Variants in ZNF474 observed in about 807,000 individuals in gnomAD.
ZNF474 encodes 4933409D10Rik.
For synonymous variants in ZNF474, 192 were observed against 162.2 expected, an observed-to-expected ratio of 1.18 and a Z score of -1.39; for missense variants, 511 against 433.8, an observed-to-expected ratio of 1.18 and a Z score of -1.58.
rs2560306 is a variant in ZNF474 at position 122,152,508 on chromosome 5, G to T, written c.518G>T (p.Arg173Leu). Residue 173 changes from arginine (R) to leucine (L), a missense_variant, in exon 2 of 2, where the codon CGC becomes CTC. Transcript: ENST00000296600. ...CTGCTGCCCTGTGAATCCTGTGGCC[G>T]CACATTCTTGCCAGATCATCTTCTT... ...AQLLPCESCG[R>L]TFLPDHLLVH... is the part of the protein sequence containing the mutation. 2 of 1,613,952 alleles carry T rather than the reference G, an allele frequency of 1.2e-6. No individual in the cohort carries two copies. The highest frequency in any genetic ancestry group is 1.1e-5 in the South Asian group (1 of 91,070).
rs115031333 is a variant in ZNF474 at position 122,146,106 on chromosome 5, A to G, written c.-212-5673A>G. 4.9e-3 allele frequency among the ~76,000 whole-genome samples: 750 copies of G among 152,294 alleles called. 7 individuals carry two copies. The highest frequency in any genetic ancestry group is 0.017 in the African/African-American group (725 of 41,558). On this transcript the variant is annotated intron_variant, in intron 1 of 1. Transcript: ENST00000296600. The stretch of plus-strand genomic sequence containing the variant: ...AAGCACATGCACACAGGAAGCCTTT[A>G]AAAGGATTAAATGGCCTCTTGCTCC...
chr5:122,151,398 G>T (rs1756167271), intron 1 of ZNF474, among the ~76,000 whole-genome samples: 1 of 152,126 alleles, frequency 6.6e-6, no homozygotes, highest in African/African-American at 2.4e-5. Context: ...ATGACCTGCT[G>T]ATTTCATTAA....
Position 122,150,338 on chromosome 5 carries a change from T to C in ZNF474, c.-212-1441T>C, listed in dbSNP as rs1469732041. On this transcript the variant is annotated intron_variant, in intron 1 of 1. Coordinates refer to ENST00000296600, the MANE Select transcript of ZNF474 (RefSeq NM_207317.3). ...TCTTAGAATCTGTCAAAATGAAGAA[T>C]AACTTCTTTCTCTGTGCCAGACCTG... is the stretch of plus-strand genomic sequence containing the variant. Among the ~76,000 whole-genome samples, 4 of 152,198 alleles carry C rather than the reference T, an allele frequency of 2.6e-5. No individual in the cohort carries two copies. In the East Asian group the frequency reaches 7.7e-4, roughly 29 times the overall value.
At position 122,152,205 on chromosome 5, in the gene ZNF474, C is replaced by A. The variant is rs1194258064; in HGVS notation, c.215C>A (p.Ser72Ter). The change falls in exon 2 of 2, where the codon TCA becomes TAA. Residue 72 changes from serine to a stop codon, truncating the protein, a stop_gained. Coordinates refer to ENST00000296600, the MANE Select transcript of ZNF474 (RefSeq NM_207317.3). LOFTEE classifies it low-confidence loss of function (END_TRUNC). ...RPGTVILSKL[S>*]SRRIISESQL... ...GGGACTGTGATACTATCAAAACTGT[C>A]AAGTAGAAGAATTATATCGGAAAGC... 1 of 1,614,158 alleles carries A rather than the reference C, an allele frequency of 6.2e-7. No individual in the cohort carries two copies. Among genetic ancestry groups the A allele is most frequent in the South Asian group, 1.1e-5 (1 of 91,086 alleles).
chr5:122,134,538 G>A (rs1459133589), intron 1 of ZNF474, among the ~76,000 whole-genome samples: 1 of 152,212 alleles, frequency 6.6e-6, no homozygotes, highest in African/African-American at 2.4e-5. Context: ...CCATTGTAGG[G>A]CAAAAGCAGT....
intron 1 of ZNF474, among the ~76,000 whole-genome samples, chr5:122,147,088 C>T (rs559867930): frequency 5.3e-5 from 8 of 152,092 alleles, no homozygotes; most frequent in Non-Finnish European, 1.0e-4. Context: ...CAATTATAAG[C>T]CTTGGTGTAA....
In ZNF474 at chr5:122,153,454, G is replaced by T; in HGVS notation, c.*369G>T. The T allele has an allele frequency of 4.9e-6, 1 of 203,068 alleles. No individual in the cohort carries two copies. Among genetic ancestry groups the T allele is most frequent in the Non-Finnish European group, 1.1e-5 (1 of 91,702 alleles). The allele number at this position is 203,068 out of a possible 1,614,324, so 12.6% of individuals were successfully genotyped here. A position where few individuals can be genotyped will look rare whatever the true frequency, so the allele number is the denominator to read the frequency against. Reference sequence around the variant, plus strand: ...GGTTTATTTTAGTCATCTACCTTAGGAATTCATTTTTGGCAATGCTGGGTT... The same window carrying T: ...GGTTTATTTTAGTCATCTACCTTAGTAATTCATTTTTGGCAATGCTGGGTT... On this transcript the variant is annotated 3_prime_UTR_variant, in exon 2 of 2. Coordinates refer to ENST00000296600, the MANE Select transcript of ZNF474 (RefSeq NM_207317.3).
At chr5:122,136,501 G>T (rs1280617245) in intron 1 of ZNF474, among the ~76,000 whole-genome samples, 1 of 152,244 alleles carries the variant, frequency 6.6e-6, no homozygotes, top group Admixed American at 6.5e-5. Flanking sequence ...CCTTTGGTGT[G>T]CCTGTCTAGG....
chr5:122,148,523 C>G (rs750371456), intron 1 of ZNF474, among the ~76,000 whole-genome samples: 46 of 152,144 alleles, frequency 3.0e-4, no homozygotes, highest in Non-Finnish European at 6.3e-4. Flanking sequence ...CTTGGGGCAG[C>G]CTTCACTTTT....
chr5:122,151,701 C>A (rs926943839), intron 1 of ZNF474, 78 bp from the exon 2 acceptor site: 3 of 187,718 alleles, frequency 1.6e-5, no homozygotes, highest in Non-Finnish European at 1.9e-5. Flanking sequence ...ACAAAACAAC[C>A]TAAATGTGTG....
intron 1 of ZNF474, among the ~76,000 whole-genome samples, chr5:122,140,688 C>G (rs1268582667): frequency 6.6e-6 from 1 of 152,164 alleles, no homozygotes; most frequent in South Asian, 2.1e-4. Context: ...TTTGGGACAG[C>G]TACATCATGT....
intron 1 of ZNF474, among the ~76,000 whole-genome samples, chr5:122,130,947 C>G (rs759778440): frequency 6.6e-6 from 1 of 151,982 alleles, no homozygotes; most frequent in African/African-American, 2.4e-5. Context: ...AGGTTTCTAG[C>G]ATTTACTCAT....
intron 1 of ZNF474, among the ~76,000 whole-genome samples, chr5:122,143,579 T>C (rs1304303829): frequency 1.3e-5 from 2 of 152,194 alleles, no homozygotes; most frequent in African/African-American, 4.8e-5. Flanking sequence ...TACTATACTG[T>C]TCTTATACGT....
intron 1 of ZNF474, among the ~76,000 whole-genome samples, chr5:122,141,514 G>T (rs1013384847): frequency 6.6e-6 from 1 of 151,820 alleles, no homozygotes; most frequent in African/African-American, 2.4e-5. Flanking sequence ...TTGTCATGTT[G>T]GTCAGGATGT....
Position 122,134,663 on chromosome 5 carries a change from T to C in ZNF474, c.-213+4980T>C, listed in dbSNP as rs142972070. Among the ~76,000 whole-genome samples, 70 of 152,326 alleles carry C rather than the reference T, an allele frequency of 4.6e-4. 1 individual carries two copies. The East Asian group carries it at 6.0e-3, about 13-fold the overall frequency. On this transcript the variant is annotated intron_variant, in intron 1 of 1. Transcript: ENST00000296600. Reference sequence around the variant, plus strand: ...GGCCATAGTGTGTCAGCCCTTCTAATGTTCAAGGAGTTCTGATGAGATACC... The same window carrying C: ...GGCCATAGTGTGTCAGCCCTTCTAACGTTCAAGGAGTTCTGATGAGATACC...
At chr5:122,130,718 CAAAT>C (rs1332929759) in intron 1 of ZNF474, among the ~76,000 whole-genome samples, 1 of 151,926 alleles carries the variant, frequency 6.6e-6, no homozygotes, top group Non-Finnish European at 1.5e-5. Context: ...GTATGACTGA[CAAAT>C]AAAAATCACA....
intron 1 of ZNF474, among the ~76,000 whole-genome samples, chr5:122,136,019 G>A (rs963751751): frequency 1.3e-5 from 2 of 152,068 alleles, no homozygotes; most frequent in Admixed American, 6.6e-5. Context: ...ATAAATAGGG[G>A]TTGGTTAATG....
Position 122,149,903 on chromosome 5 carries a change from G to GTGTGTGTGTGTGTGTGTGTGTT in ZNF474, c.-212-1866_-212-1865insTGTGTGTGTGTTTGTGTGTGTG, listed in dbSNP as rs1186152932. ...ATTGACTCTGTGTGTGTGTGTGTGT[G>GTGTGTGTGTGTGTGTGTGTGTT]TGTGTGTGTGCGCGCGTGAGAGAGA... On this transcript the variant is annotated intron_variant, in intron 1 of 1. Coordinates refer to ENST00000296600, the MANE Select transcript of ZNF474 (RefSeq NM_207317.3). 5.8e-3 allele frequency among the ~76,000 whole-genome samples: 876 copies of GTGTGTGTGTGTGTGTGTGTGTT among 151,130 alleles called. 3 individuals are homozygous for GTGTGTGTGTGTGTGTGTGTGTT. The highest frequency in any genetic ancestry group is 0.021 in the African/African-American group (836 of 40,758).
intron 1 of ZNF474, among the ~76,000 whole-genome samples, chr5:122,134,840 A>G (rs1755661445): frequency 6.6e-6 from 1 of 152,208 alleles, no homozygotes; most frequent in Non-Finnish European, 1.5e-5. Flanking sequence ...CTCCATAGAA[A>G]AAAATCAAAT....
Sources: gnomAD v4.1 joint callset for allele counts (sites outside exome capture counted in the v4.1 genomes callset) on GRCh38, gnomAD v4.1.1 for gene constraint, MANE v1.5 for transcripts, NCBI Gene and HGNC (gene_info 2026-07-23, HGNC 2026-07-21) for gene names.